The following SHC4 variants were observed in gnomAD, a reference collection of about 807,000 sequenced individuals.
SHC4 encodes SHC adaptor protein 4, also known as SHC-transforming protein 4.
A neutral mutation model predicts 69.4 loss-of-function variants in SHC4; 41 were observed. That is an observed-to-expected ratio of 0.59 (90% CI 0.46 to 0.77). The LOEUF (loss-of-function observed/expected upper bound fraction) is 0.77. Among genes scored for constraint, SHC4 ranks in the 30% least tolerant of loss-of-function variants. The pLI, the probability that SHC4 is intolerant of heterozygous loss-of-function variation, is 0.00. For synonymous variants in SHC4, 318 were observed against 299.3 expected, an observed-to-expected ratio of 1.06 and a Z score of -0.64; for missense variants, 777 against 783.8, an observed-to-expected ratio of 0.99 and a Z score of 0.10.
At chr15:48,920,276 C>T (rs989719877) in intron 2 of SHC4, among the ~76,000 whole-genome samples, 1 of 152,076 alleles carries the variant, frequency 6.6e-6, no homozygotes, top group Non-Finnish European at 1.5e-5. Flanking sequence ...CCGCCTCGGC[C>T]TCCCAAAGTG....
chr15:48,840,396 A>T (rs1217184060), intron 10 of SHC4, among the ~76,000 whole-genome samples: 2 of 152,186 alleles, frequency 1.3e-5, no homozygotes, highest in African/African-American at 2.4e-5. Context: ...GTGTGACAAG[A>T]TGAACTGAGG....
chr15:48,944,452 T>G (rs1229548432), intron 1 of SHC4, among the ~76,000 whole-genome samples: 1 of 152,184 alleles, frequency 6.6e-6, no homozygotes, highest in Non-Finnish European at 1.5e-5. Flanking sequence ...TTGCCATTCC[T>G]TCTTCCTGCT....
chr15:48,825,959 G>T lies in SHC4; in HGVS notation c.*12C>A. Reference sequence around the variant, plus strand: ...TTTCTTGAAATATCAGTGTGATGGTGCTTCAATACTGTCATTTGTTGGAAT... The same window carrying T: ...TTTCTTGAAATATCAGTGTGATGGTTCTTCAATACTGTCATTTGTTGGAAT... On this transcript the variant is annotated 3_prime_UTR_variant, in exon 12 of 12. Transcript: ENST00000332408. 6.2e-7 allele frequency: 1 copy of T among 1,611,118 alleles called. No individual in the cohort carries two copies. Among genetic ancestry groups the T allele is most frequent in the Non-Finnish European group, 8.5e-7 (1 of 1,178,948 alleles).
At chr15:48,926,526 G>A (rs549283338) in intron 1 of SHC4, among the ~76,000 whole-genome samples, 13 of 151,308 alleles carry the variant, frequency 8.6e-5, no homozygotes, top group African/African-American at 1.9e-4. Flanking sequence ...GCAGTGGCAC[G>A]ATCTTGGCTC....
intron 1 of SHC4, among the ~76,000 whole-genome samples, chr15:48,955,157 A>G (rs762861957): frequency 6.6e-6 from 1 of 152,176 alleles, no homozygotes; most frequent in Non-Finnish European, 1.5e-5. Context: ...AAGACATCCC[A>G]GTATGTTTAC....
chr15:48,935,848 A>G (rs1363933161), intron 1 of SHC4, among the ~76,000 whole-genome samples: 1 of 152,080 alleles, frequency 6.6e-6, no homozygotes, highest in Non-Finnish European at 1.5e-5. Flanking sequence ...GCAAAAACGG[A>G]CTTTTCTTAG....
At chr15:48,846,852 G>A (rs1899102608) in intron 9 of SHC4, among the ~76,000 whole-genome samples, 1 of 152,202 alleles carries the variant, frequency 6.6e-6, no homozygotes, top group East Asian at 1.9e-4. Flanking sequence ...GGGTGCTAAC[G>A]CATCTGCCCC....
chr15:48,941,060 C>T (rs1901166715), intron 1 of SHC4, among the ~76,000 whole-genome samples: 1 of 152,172 alleles, frequency 6.6e-6, no homozygotes, highest in Admixed American at 6.5e-5. Flanking sequence ...AGAGATGATC[C>T]ATTCCAACTC....
In SHC4 at chr15:48,903,856, C is replaced by T. The variant is rs775333256; in HGVS notation, c.657-13045G>A. Among the ~76,000 whole-genome samples, 9 of 152,230 alleles carry T rather than the reference C, an allele frequency of 5.9e-5. No homozygotes were observed. In the South Asian group the frequency reaches 6.2e-4, roughly 11 times the overall value. On this transcript the variant is annotated intron_variant, in intron 2 of 11. Transcript: ENST00000332408. ...TTATCACACGCTACAGCCTCAAACT[C>T]CTGAGCTCAAGTGATCCTCCCATCT...
intron 9 of SHC4, among the ~76,000 whole-genome samples, chr15:48,846,045 C>T (rs1396757619): frequency 6.6e-6 from 1 of 151,730 alleles, no homozygotes; most frequent in Non-Finnish European, 1.5e-5. Flanking sequence ...GTCACCCAGG[C>T]TTAAGAGCAT....
intron 2 of SHC4, among the ~76,000 whole-genome samples, chr15:48,912,170 C>T (rs890867469): frequency 2.6e-5 from 4 of 152,164 alleles, no homozygotes; most frequent in South Asian, 2.1e-4. Context: ...ATTATTCCCC[C>T]AAATATGTCT....
At position 48,962,634 on chromosome 15, in the gene SHC4, T is replaced by C. The variant is rs543462369; in HGVS notation, c.382A>G (p.Ser128Gly). Residue 128 changes from serine (S) to glycine (G), a missense_variant, in exon 1 of 12, where the codon AGC becomes GGC. Transcript: ENST00000332408. ...CTGGTTTCTGGGGAAGAGGGGCCGC[T>C]GGAACCTGGGTCCCGGCTTTCCTGG... ...KLQESRDPGSSGPSSPETSLS... is the reference protein window; with the variant it reads ...KLQESRDPGSGGPSSPETSLS... 9 of 1,614,076 alleles carry C rather than the reference T, an allele frequency of 5.6e-6. No individual in the cohort carries two copies. Among genetic ancestry groups the C allele is most frequent in the Non-Finnish European group, 6.8e-6 (8 of 1,180,030 alleles).
At chr15:48,961,334 G>T (rs1053148233) in intron 1 of SHC4, among the ~76,000 whole-genome samples, 1 of 152,002 alleles carries the variant, frequency 6.6e-6, no homozygotes, top group African/African-American at 2.4e-5. Flanking sequence ...AGTCAACTTC[G>T]GTCTCCCAAG....
intron 1 of SHC4, among the ~76,000 whole-genome samples, chr15:48,942,957 C>T (rs1901202043): frequency 6.6e-6 from 1 of 152,220 alleles, no homozygotes. Flanking sequence ...CAGCCATTCC[C>T]ATAATACCTA....
chr15:48,877,256 G>A (rs1217813323), intron 4 of SHC4: 2 of 241,796 alleles, frequency 8.3e-6, no homozygotes, highest in Non-Finnish European at 1.4e-5. Context: ...CCCCAGATGG[G>A]ACCATCTAGT....
chr15:48,840,305 A>C (rs576781777), intron 10 of SHC4, among the ~76,000 whole-genome samples: 1 of 152,278 alleles, frequency 6.6e-6, no homozygotes, highest in East Asian at 1.9e-4. Context: ...ATCAAAACAA[A>C]AATTAGTACC....
Position 48,924,086 on chromosome 15 carries a change from A to G in SHC4, c.656+793T>C, listed in dbSNP as rs540182226. On this transcript the variant is annotated intron_variant, in intron 2 of 11. Coordinates refer to ENST00000332408, the MANE Select transcript of SHC4 (RefSeq NM_203349.4). The stretch of plus-strand genomic sequence containing the variant: ...ATTAGGGAGAGTTATTCTCTACATG[A>G]CAATATTCACCTTCAGAACAGGAGG... Among the ~76,000 whole-genome samples, 4 of 152,256 alleles carry G rather than the reference A, an allele frequency of 2.6e-5. No individual in the cohort carries two copies. In the East Asian group the frequency reaches 5.8e-4, roughly 22 times the overall value.
chr15:48,852,364 T>C (rs1051579468), intron 8 of SHC4, among the ~76,000 whole-genome samples: 8 of 152,302 alleles, frequency 5.3e-5, no homozygotes, highest in South Asian at 4.1e-4. Flanking sequence ...AAAAATAAGA[T>C]GGATCAATGT....
chr15:48,834,926 T>C lies in SHC4; in HGVS notation c.1580A>G (p.Tyr527Cys), dbSNP rs1469513210. Residue 527 changes from tyrosine (Y) to cysteine (C), a missense_variant, in exon 11 of 12, where the codon TAT becomes TGT. Coordinates refer to ENST00000332408, the MANE Select transcript of SHC4 (RefSeq NM_203349.4). ...IKQQLWSEECYHGKLSRKAAE... is the reference protein window; with the variant it reads ...IKQQLWSEECCHGKLSRKAAE... The stretch of plus-strand genomic sequence containing the variant: ...CGCCTTCCTGCTCAGCTTGCCATGA[T>C]AGCATTCTTCGCTCCACAGCTGCTG... 4 of 1,613,902 alleles carry C rather than the reference T, an allele frequency of 2.5e-6. No homozygotes were observed. In the African/African-American group the frequency reaches 4.0e-5, roughly 16 times the overall value.
Sources: allele counts gnomAD v4.1 joint callset (sites outside exome capture counted in the v4.1 genomes callset), GRCh38; gene constraint gnomAD v4.1.1; transcripts MANE v1.5; gene names NCBI Gene and HGNC (gene_info 2026-07-23, HGNC 2026-07-21).